SYNRG: variants seen among roughly 807,000 people sequenced by gnomAD.
The protein encoded by SYNRG is AP1 gamma subunit binding protein 1.
In SYNRG, 37 loss-of-function variants were observed where a neutral mutation model predicts 130.9. The ratio of observed to expected loss-of-function variants is 0.28; its 90% CI spans 0.22 to 0.37. The LOEUF is 0.37. Ranked by LOEUF, SYNRG falls within the 10% of genes least tolerant of loss-of-function variation. SYNRG has a pLI of 1.00. For missense variants in SYNRG, 1,338 were observed against 1,588.9 expected, an observed-to-expected ratio of 0.84 and a Z score of 2.68; for synonymous variants, 539 against 568.1, an observed-to-expected ratio of 0.95 and a Z score of 0.73.
intron 15 of SYNRG, 152 bp from the exon 16 acceptor site, chr17:37,540,695 T>C (rs12940714): frequency 1.1e-6 from 1 of 917,604 alleles, no homozygotes; most frequent in East Asian, 2.8e-5. Context: ...AGTACGGTGG[T>C]GTGATCTCGG....
At chr17:37,525,825 G>A (rs1444125637) in intron 19 of SYNRG, among the ~76,000 whole-genome samples, 1 of 152,184 alleles carries the variant, frequency 6.6e-6, no homozygotes, top group Non-Finnish European at 1.5e-5. Flanking sequence ...AATTAGCCAG[G>A]TGTGGTGGCG....
intron 8 of SYNRG, 87 bp from the exon 9 acceptor site, chr17:37,572,074 T>C: frequency 8.5e-7 from 1 of 1,170,162 alleles, no homozygotes; most frequent in Non-Finnish European, 1.2e-6. Context: ...ACAAGAATAA[T>C]CTTCAACAAA....
At chr17:37,607,491 G>C (rs934949733) in intron 1 of SYNRG, among the ~76,000 whole-genome samples, 24 of 152,152 alleles carry the variant, frequency 1.6e-4, no homozygotes, top group African/African-American at 5.8e-4. Context: ...ATCACATATA[G>C]GAAATAAATA....
chr17:37,540,843 C>T (rs1051174468), intron 15 of SYNRG: 23 of 915,514 alleles, frequency 2.5e-5, no homozygotes, highest in Middle Eastern at 5.0e-4. Flanking sequence ...TTGTGTTGGC[C>T]AGGCTGGTCT....
intron 21 of SYNRG, 130 bp from the exon 22 acceptor site, chr17:37,519,201 G>C (rs1430246859): frequency 3.3e-6 from 4 of 1,216,608 alleles, no homozygotes; most frequent in African/African-American, 3.0e-5. Context: ...ACACATAAAA[G>C]CTGAGCGGAT....
chr17:37,603,000 A>C (rs561415829), intron 1 of SYNRG, among the ~76,000 whole-genome samples: 2 of 152,240 alleles, frequency 1.3e-5, no homozygotes, highest in South Asian at 2.1e-4. Flanking sequence ...CTCCAGCCTG[A>C]GCAGACAGAA....
intron 13 of SYNRG, chr17:37,556,990 G>A (rs1016193895): frequency 6.6e-6 from 1 of 152,204 alleles, no homozygotes; most frequent in Non-Finnish European, 1.5e-5. Context: ...TGTAAGCTGG[G>A]TGAAAGGGCT....
intron 14 of SYNRG, among the ~76,000 whole-genome samples, chr17:37,546,230 G>C (rs909310528): frequency 7.2e-5 from 11 of 152,124 alleles, no homozygotes; most frequent in African/African-American, 2.4e-4. Flanking sequence ...AGTATAGATG[G>C]ATTTTCAATT....
intron 18 of SYNRG, 78 bp downstream of exon 18, chr17:37,538,246 G>A: frequency 1.8e-6 from 2 of 1,119,382 alleles, no homozygotes. Context: ...GAGAGATCTA[G>A]CTTAAAATAA....
intron 6 of SYNRG, among the ~76,000 whole-genome samples, chr17:37,580,499 G>A (rs1442123960): frequency 7.4e-6 from 1 of 134,492 alleles, no homozygotes; most frequent in Non-Finnish European, 1.5e-5. Flanking sequence ...GTGTGTGTGT[G>A]TGTGTGTGTG....
intron 14 of SYNRG, among the ~76,000 whole-genome samples, chr17:37,552,890 ATATCT>A (rs992268236): frequency 6.6e-6 from 1 of 152,234 alleles, no homozygotes; most frequent in African/African-American, 2.4e-5. Context: ...AAAAATAAAA[ATATCT>A]TAGCTACCCA....
intron 8 of SYNRG, among the ~76,000 whole-genome samples, chr17:37,573,982 C>T (rs1030448677): frequency 8.6e-5 from 13 of 152,046 alleles, no homozygotes; most frequent in African/African-American, 3.1e-4. Flanking sequence ...AATTACAGTA[C>T]ATTACTGTAT....
At chr17:37,582,053 G>A (rs1286467768) in intron 6 of SYNRG, among the ~76,000 whole-genome samples, 4 of 152,036 alleles carry the variant, frequency 2.6e-5, no homozygotes, top group African/African-American at 9.7e-5. Flanking sequence ...TTGAGCAACC[G>A]CACCTGGCCT....
chr17:37,546,826 AAT>A (rs1247424670), intron 14 of SYNRG, among the ~76,000 whole-genome samples: 1 of 152,186 alleles, frequency 6.6e-6, no homozygotes, highest in African/African-American at 2.4e-5. Context: ...TATATATTTT[AAT>A]TTACAGTACT....
At chr17:37,608,524 T>C (rs1469097584) in intron 1 of SYNRG, among the ~76,000 whole-genome samples, 5 of 152,224 alleles carry the variant, frequency 3.3e-5, no homozygotes, top group Non-Finnish European at 5.9e-5. Context: ...ATTCTGGGTA[T>C]AAGAACCACG....
At chr17:37,529,919 C>A in intron 19 of SYNRG, 1 of 1,395,128 alleles carries the variant, frequency 7.2e-7, no homozygotes, top group Non-Finnish European at 9.8e-7. Context: ...GTGTTAACTG[C>A]AGTAAGAACC....
intron 19 of SYNRG, among the ~76,000 whole-genome samples, chr17:37,525,237 T>C (rs1470183474): frequency 2.6e-5 from 4 of 152,298 alleles, no homozygotes; most frequent in African/African-American, 9.6e-5. Flanking sequence ...ATCTCCTTAT[T>C]TGGCAAGTAT....
In SYNRG at chr17:37,585,446, T is replaced by C; in HGVS notation, c.372-16A>G. The stretch of plus-strand genomic sequence containing the variant: ...AAATCGTTTCCTGAAGGAAAAATGA[T>C]CTAATAAAGAACCAGCTCCCGGGAT... On this transcript the variant is annotated splice_polypyrimidine_tract_variant and intron_variant, in intron 4 of 21. Transcript: ENST00000612223. 3 of 1,583,010 alleles carry C rather than the reference T, an allele frequency of 1.9e-6. No individual in the cohort carries two copies. The highest frequency in any genetic ancestry group is 2.2e-5 in the South Asian group (2 of 90,122).
chr17:37,528,857 A>G (rs2056280369), intron 19 of SYNRG, among the ~76,000 whole-genome samples: 1 of 152,256 alleles, frequency 6.6e-6, no homozygotes, highest in Admixed American at 6.5e-5. Flanking sequence ...CACACCTAGC[A>G]GTTATCAAGG....
Sources: gnomAD v4.1 joint callset for allele counts (sites outside exome capture counted in the v4.1 genomes callset) on GRCh38, gnomAD v4.1.1 for gene constraint, MANE v1.5 for transcripts, NCBI Gene and HGNC (gene_info 2026-07-23, HGNC 2026-07-21) for gene names.